SLC35F3: variants seen among roughly 807,000 people sequenced by gnomAD.
SLC35F3 encodes solute carrier family 35 member F3.
In SLC35F3, 25 loss-of-function variants were observed where a neutral mutation model predicts 49.9. The ratio of observed to expected loss-of-function variants is 0.50; its 90% confidence interval spans 0.37 to 0.70. The LOEUF is 0.70. Among genes scored for constraint, SLC35F3 ranks in the 30% least tolerant of loss-of-function variants. The probability of loss-of-function intolerance (pLI) is 0.00; values close to 1 mark genes in which losing one functional copy is unlikely to be tolerated. For synonymous variants in SLC35F3, 275 were observed against 265.4 expected, an observed-to-expected ratio of 1.04 and a Z score of -0.35; for missense variants, 525 against 639.8, an observed-to-expected ratio of 0.82 and a Z score of 1.94.
intron 2 of SLC35F3, among the ~76,000 whole-genome samples, chr1:234,005,369 GT>G (rs1663613117): frequency 6.6e-6 from 1 of 152,120 alleles, no homozygotes; most frequent in African/African-American, 2.4e-5. Flanking sequence ...TACATATGAC[GT>G]TGAGTCACCT....
intron 2 of SLC35F3, among the ~76,000 whole-genome samples, chr1:233,969,427 C>T (rs1662957081): frequency 6.6e-6 from 1 of 152,032 alleles, no homozygotes. Context: ...CGCCTCCCAT[C>T]CTTTGCCCTT....
chr1:234,232,519 C>CCAAAA (rs1667395583), intron 3 of SLC35F3, among the ~76,000 whole-genome samples: 1 of 72,362 alleles, frequency 1.4e-5, no homozygotes. Context: ...CAGGCCTAGT[C>CCAAAA]AAAAAAAAAA....
At chr1:234,117,412 T>A (rs1665503299) in intron 2 of SLC35F3, among the ~76,000 whole-genome samples, 1 of 151,614 alleles carries the variant, frequency 6.6e-6, no homozygotes, top group Admixed American at 6.6e-5. Context: ...GGCAACATGG[T>A]GAAATCCTGT....
At chr1:234,086,060 C>A (rs767975319) in intron 2 of SLC35F3, among the ~76,000 whole-genome samples, 4 of 152,186 alleles carry the variant, frequency 2.6e-5, no homozygotes, top group Non-Finnish European at 5.9e-5. Flanking sequence ...TTTGTTCATA[C>A]CCTTCCATCA....
At chr1:234,199,734 A>G (rs1210615806) in intron 2 of SLC35F3, among the ~76,000 whole-genome samples, 1 of 151,902 alleles carries the variant, frequency 6.6e-6, no homozygotes, top group Non-Finnish European at 1.5e-5. Flanking sequence ...ATATTTGCAA[A>G]CCATACATCT....
chr1:234,231,466 G>C lies in SLC35F3; in HGVS notation c.333G>C (p.Pro111=). The change falls in exon 3 of 8, where the codon CCG becomes CCC. Residue 111 remains proline (P), a synonymous_variant. Transcript: ENST00000366618. The surrounding 1 kb of genome is among the most constrained non-coding windows in gnomAD (Gnocchi z 5.4). The stretch of plus-strand genomic sequence containing the variant: ...CGGGCCCGGCGGAGGCCCAGGCACC[G>C]GCCGGGGTGGAGGCCGGCGGGAGAG... ...DSPGPAEAQA[P]AGVEAGGRAS... 1.2e-6 allele frequency: 2 copies of C among 1,610,714 alleles called. No homozygotes were observed. The highest frequency in any genetic ancestry group is 1.7e-6 in the Non-Finnish European group (2 of 1,178,300).
chr1:234,013,732 A>G (rs902355539), intron 2 of SLC35F3, among the ~76,000 whole-genome samples: 2 of 152,076 alleles, frequency 1.3e-5, no homozygotes, highest in East Asian at 3.8e-4. Flanking sequence ...TGAATAACCC[A>G]GAAGAAACTG....
At chr1:234,057,078 G>A (rs968737132) in intron 2 of SLC35F3, among the ~76,000 whole-genome samples, 2 of 152,120 alleles carry the variant, frequency 1.3e-5, no homozygotes, top group East Asian at 1.9e-4. Context: ...AGTAAGCTTG[G>A]AAATCAGAAA....
At chr1:234,284,985 G>A (rs139515035) in intron 3 of SLC35F3, 50 of 166,858 alleles carry the variant, frequency 3.0e-4, no homozygotes, top group African/African-American at 1.0e-3. Flanking sequence ...AAGACCATTC[G>A]CAGAAATCAG....
At chr1:233,976,201 A>G (rs1320177109) in intron 2 of SLC35F3, among the ~76,000 whole-genome samples, 2 of 152,246 alleles carry the variant, frequency 1.3e-5, no homozygotes, top group Non-Finnish European at 2.9e-5. Flanking sequence ...TCATAAAGAT[A>G]CTATAGTCTC....
intron 2 of SLC35F3, among the ~76,000 whole-genome samples, chr1:234,144,201 A>G (rs1221030494): frequency 6.6e-6 from 1 of 152,184 alleles, no homozygotes; most frequent in East Asian, 1.9e-4. Context: ...AGTGCTTCTC[A>G]GTTCTAACAC....
chr1:233,991,265 C>T (rs1663350326), intron 2 of SLC35F3, among the ~76,000 whole-genome samples: 1 of 152,050 alleles, frequency 6.6e-6, no homozygotes, highest in Non-Finnish European at 1.5e-5. Flanking sequence ...CCTGTGGCAG[C>T]TTCCAAAAAT....
chr1:234,283,074 T>A (rs1416835120), intron 3 of SLC35F3, among the ~76,000 whole-genome samples: 3 of 152,120 alleles, frequency 2.0e-5, no homozygotes, highest in Non-Finnish European at 4.4e-5. Context: ...TGGATGTTAG[T>A]CTTTGAGTGA....
At chr1:234,055,728 C>T (rs1349848286) in intron 2 of SLC35F3, among the ~76,000 whole-genome samples, 1 of 152,188 alleles carries the variant, frequency 6.6e-6, no homozygotes, top group Admixed American at 6.5e-5. Context: ...CCATCTTCTG[C>T]GTCGCTCACA....
At chr1:233,968,172 G>C (rs1049269038) in intron 2 of SLC35F3, among the ~76,000 whole-genome samples, 8 of 152,114 alleles carry the variant, frequency 5.3e-5, no homozygotes, top group African/African-American at 1.9e-4. Context: ...TTAGCTTGTG[G>C]ATCCATCACT....
At chr1:233,973,716 A>T (rs1167455655) in intron 2 of SLC35F3, among the ~76,000 whole-genome samples, 1 of 152,232 alleles carries the variant, frequency 6.6e-6, no homozygotes, top group Admixed American at 6.5e-5. Context: ...GAGGTGTGGA[A>T]AAAAAGCACA....
intron 2 of SLC35F3, among the ~76,000 whole-genome samples, chr1:234,092,508 C>T (rs955613495): frequency 6.6e-6 from 1 of 152,108 alleles, no homozygotes; most frequent in Non-Finnish European, 1.5e-5. Context: ...CTGTGAAAAG[C>T]CTTGGCTTGA....
chr1:234,080,457 A>G (rs1026318830), intron 2 of SLC35F3, among the ~76,000 whole-genome samples: 1 of 152,232 alleles, frequency 6.6e-6, no homozygotes, highest in Admixed American at 6.5e-5. Flanking sequence ...CACATTATTC[A>G]TTATTATAGC....
intron 3 of SLC35F3, among the ~76,000 whole-genome samples, chr1:234,296,445 T>C (rs1193112025): frequency 6.6e-6 from 1 of 152,216 alleles, no homozygotes; most frequent in Non-Finnish European, 1.5e-5. Flanking sequence ...GTTTCTGATA[T>C]GGAGAGGCTG....
Sources: gnomAD v4.1 joint callset for allele counts (sites outside exome capture counted in the v4.1 genomes callset) on GRCh38, gnomAD v4.1.1 for gene constraint, Gnocchi (gnomAD v3.1) non-coding constraint, MANE v1.5 for transcripts, NCBI Gene and HGNC (gene_info 2026-07-23, HGNC 2026-07-21) for gene names.